Variants in STK39 observed in about 807,000 individuals in gnomAD.
STK39 encodes serine/threonine kinase 39.
STK39 carries 20 observed loss-of-function variants against 77.8 expected under a neutral mutation model. That is an observed-to-expected ratio of 0.26 (90% confidence interval 0.18 to 0.37). The LOEUF (loss-of-function observed/expected upper bound fraction) is 0.37. STK39 is among the 10% of genes least tolerant of loss of function. The probability of loss-of-function intolerance (pLI) is 1.00; values close to 1 mark genes in which losing one functional copy is unlikely to be tolerated. For missense variants in STK39, 479 were observed against 656.5 expected (o/e 0.73, Z 2.95); for synonymous variants, 246 against 234.1 (o/e 1.05, Z -0.47).
At chr2:168,174,979 G>A (rs1198918007) in intron 2 of STK39, among the ~76,000 whole-genome samples, 1 of 152,100 alleles carries the variant, frequency 6.6e-6, no homozygotes, top group Non-Finnish European at 1.5e-5. Context: ...CAGTGACAAT[G>A]TAGGGTGTAA....
At chr2:167,956,696 A>ACACACACACACACT (rs776309488) in intron 17 of STK39, among the ~76,000 whole-genome samples, 2 of 48,996 alleles carry the variant, frequency 4.1e-5, no homozygotes, top group African/African-American at 8.0e-5. Context: ...ACACACACAC[A>ACACACACACACACT]CTCTCTCTCT....
intron 10 of STK39, among the ~76,000 whole-genome samples, chr2:168,101,683 G>A (rs188937300): frequency 6.6e-6 from 1 of 151,866 alleles, no homozygotes; most frequent in African/African-American, 2.4e-5. Flanking sequence ...GGCTGCAGGG[G>A]GCCGAGATCA....
chr2:168,066,851 G>A (rs1685808172), intron 12 of STK39, among the ~76,000 whole-genome samples: 1 of 152,238 alleles, frequency 6.6e-6, no homozygotes, highest in African/African-American at 2.4e-5. Flanking sequence ...CAGAAAATGT[G>A]CAGAGATGCA....
At chr2:168,138,792 C>G (rs1466912708) in intron 7 of STK39, among the ~76,000 whole-genome samples, 1 of 152,164 alleles carries the variant, frequency 6.6e-6, no homozygotes, top group Non-Finnish European at 1.5e-5. Context: ...CAGAATATAA[C>G]TGAGTTGCTA....
intron 1 of STK39, among the ~76,000 whole-genome samples, chr2:168,196,399 A>T (rs1296330588): frequency 6.6e-6 from 1 of 152,234 alleles, no homozygotes; most frequent in Non-Finnish European, 1.5e-5. Context: ...GTGGTGGCTC[A>T]CGCCTGTAAT....
Position 168,215,157 on chromosome 2 carries a change from T to A in STK39, c.208+32071A>T, listed in dbSNP as rs557376584. ...CCAAACAAAAAGCCCTTTTCTGAAA[T>A]AAGTTTAAATTGTAGAGTTGTTTTT... On this transcript the variant is annotated intron_variant, in intron 1 of 17. Transcript: ENST00000355999. 2.6e-5 allele frequency among the ~76,000 whole-genome samples: 4 copies of A among 152,182 alleles called. No homozygotes were observed. The South Asian group carries it at 8.3e-4, about 31-fold the overall frequency.
chr2:168,150,152 T>C (rs1688241987), intron 5 of STK39, among the ~76,000 whole-genome samples: 2 of 152,218 alleles, frequency 1.3e-5, no homozygotes, highest in African/African-American at 2.4e-5. Context: ...TAGCAGGCAC[T>C]ATGGCGTGAT....
intron 16 of STK39, among the ~76,000 whole-genome samples, chr2:168,009,437 C>T (rs562074403): frequency 2.0e-5 from 3 of 152,318 alleles, no homozygotes; most frequent in African/African-American, 7.2e-5. Context: ...GAACCACCAA[C>T]ATTTAAAATT....
intron 1 of STK39, among the ~76,000 whole-genome samples, chr2:168,229,667 C>A (rs992251812): frequency 6.6e-6 from 1 of 152,114 alleles, no homozygotes; most frequent in African/African-American, 2.4e-5. Context: ...GAGTGATGCA[C>A]AGATAACGTG....
intron 10 of STK39, among the ~76,000 whole-genome samples, chr2:168,114,477 AC>A (rs1233601541): frequency 2.0e-5 from 3 of 152,350 alleles, no homozygotes; most frequent in African/African-American, 7.2e-5. Flanking sequence ...ATAAACTGTC[AC>A]ATTTCAACTT....
intron 14 of STK39, among the ~76,000 whole-genome samples, chr2:168,029,246 T>C (rs1300201349): frequency 6.6e-6 from 1 of 152,200 alleles, no homozygotes; most frequent in Non-Finnish European, 1.5e-5. Context: ...GATTTAGCTT[T>C]ACTTGCCTGA....
chr2:168,048,489 G>C (rs1685305903), intron 14 of STK39, among the ~76,000 whole-genome samples: 1 of 138,908 alleles, frequency 7.2e-6, no homozygotes, highest in African/African-American at 2.6e-5. Context: ...TGGGATTACA[G>C]GTGTGAGCCA....
chr2:168,203,212 G>C (rs921248210), intron 1 of STK39, among the ~76,000 whole-genome samples: 1 of 152,074 alleles, frequency 6.6e-6, no homozygotes, highest in South Asian at 2.1e-4. Flanking sequence ...CCTCAGCTGA[G>C]GACCACAGCT....
At chr2:168,122,864 A>C (rs1268762228) in intron 10 of STK39, among the ~76,000 whole-genome samples, 1 of 152,228 alleles carries the variant, frequency 6.6e-6, no homozygotes, top group East Asian at 1.9e-4. Context: ...TTAATGATTC[A>C]ATACAGTAAA....
At chr2:168,153,824 A>G (rs556301730) in intron 5 of STK39, among the ~76,000 whole-genome samples, 2 of 152,338 alleles carry the variant, frequency 1.3e-5, no homozygotes, top group South Asian at 4.1e-4. Flanking sequence ...GTTGAAATCA[A>G]TGACATAATG....
At chr2:168,028,697 A>C (rs1684761413) in intron 14 of STK39, among the ~76,000 whole-genome samples, 1 of 152,176 alleles carries the variant, frequency 6.6e-6, no homozygotes, top group South Asian at 2.1e-4. Context: ...GCCTTCATTA[A>C]CATTATTTGT....
chr2:168,216,076 A>G (rs560345799), intron 1 of STK39, among the ~76,000 whole-genome samples: 23 of 152,322 alleles, frequency 1.5e-4, no homozygotes, highest in Admixed American at 6.5e-4. Flanking sequence ...GGTAAAAGCA[A>G]TGTGAGGAGA....
intron 10 of STK39, among the ~76,000 whole-genome samples, chr2:168,106,290 A>G (rs1686971023): frequency 6.6e-6 from 1 of 152,304 alleles, no homozygotes; most frequent in South Asian, 2.1e-4. Context: ...CAATTCTGAG[A>G]TATAACAGTA....
intron 1 of STK39, among the ~76,000 whole-genome samples, chr2:168,185,773 A>C (rs1689193326): frequency 6.6e-6 from 1 of 152,184 alleles, no homozygotes; most frequent in Non-Finnish European, 1.5e-5. Flanking sequence ...TCCTCTTTGC[A>C]TTTAGTGCAT....
Sources: gnomAD v4.1 joint callset for allele counts (sites outside exome capture counted in the v4.1 genomes callset) on GRCh38, gnomAD v4.1.1 for gene constraint, MANE v1.5 for transcripts, NCBI Gene and HGNC (gene_info 2026-07-23, HGNC 2026-07-21) for gene names.